The following AKR1C4 variants were observed in gnomAD, a reference collection of about 807,000 sequenced individuals.
AKR1C4 encodes 3-alpha-HSD1.
In AKR1C4, 44 loss-of-function variants were observed where a neutral mutation model predicts 41.0. The ratio of observed to expected loss-of-function variants is 1.07; its 90% CI spans 0.84 to 1.38. AKR1C4 has a LOEUF of 1.38. AKR1C4 is among the 40% of genes most tolerant of loss of function. The pLI is 0.00. For missense variants in AKR1C4, 438 were observed against 387.9 expected (o/e 1.13, Z -1.09); for synonymous variants, 165 against 137.7 (o/e 1.20, Z -1.39).
chr10:5,205,969 G>C, intron 4 of AKR1C4, 135 bp downstream of exon 4: 1 of 1,000,584 alleles, frequency 1.0e-6, no homozygotes, highest in Non-Finnish European at 1.5e-6. Context: ...AAGTTTTGCT[G>C]AGTGGTAGGG....
chr10:5,210,984 C>T (rs1832566818), intron 5 of AKR1C4, among the ~76,000 whole-genome samples: 1 of 152,240 alleles, frequency 6.6e-6, no homozygotes, highest in African/African-American at 2.4e-5. Flanking sequence ...TTGGGACTTG[C>T]ACCCTGTGCA....
intron 7 of AKR1C4, among the ~76,000 whole-genome samples, chr10:5,214,800 TATC>T (rs1554798334): frequency 1.3e-5 from 2 of 152,206 alleles, no homozygotes; most frequent in African/African-American, 4.8e-5. Flanking sequence ...TCATTCTCTG[TATC>T]ATTAGAGTAT....
intron 8 of AKR1C4, among the ~76,000 whole-genome samples, 199 bp downstream of exon 8, chr10:5,216,992 C>G (rs2050309): frequency 1 from 151,934 of 152,340 alleles, 75,765 homozygotes; most frequent in Middle Eastern, 1. Context: ...GGGTCAGCAT[C>G]GGTCAACCTG....
chr10:5,215,666 A>G (rs1832645497), intron 7 of AKR1C4, among the ~76,000 whole-genome samples: 1 of 152,208 alleles, frequency 6.6e-6, no homozygotes. Flanking sequence ...AATGGACACG[A>G]TGCAGTCAAG....
At chr10:5,196,989 G>A in intron 1 of AKR1C4, 38 bp downstream of exon 1, 1 of 1,595,704 alleles carries the variant, frequency 6.3e-7, no homozygotes, top group Non-Finnish European at 8.6e-7. Context: ...ATTTAAAAGA[G>A]CAAAGCTAGA....
chr10:5,215,425 T>C (rs1332468106), intron 7 of AKR1C4, among the ~76,000 whole-genome samples: 4 of 152,212 alleles, frequency 2.6e-5, no homozygotes, highest in African/African-American at 9.7e-5. Context: ...AGAAAAGAGC[T>C]ATATTTGGCT....
chr10:5,204,707 A>C (rs1413781), intron 3 of AKR1C4: 605,710 of 693,656 alleles, frequency 0.87, 269,265 homozygotes, highest in East Asian at 0.99. Context: ...AAAGCCTCTG[A>C]TTCAAAAATT....
rs1554797430 is a variant in AKR1C4, at chr10:5,205,846, G to T, written c.447+12G>T. 1 of 1,610,224 alleles carries T rather than the reference G, an allele frequency of 6.2e-7. No individual in the cohort carries two copies. Among genetic ancestry groups the T allele is most frequent in the Admixed American group, 1.7e-5 (1 of 59,660 alleles). Reference sequence around the variant, plus strand: ...CTGCCACATGGGAGGTGAGTGCTTGGAGGACAGAGTACAGAAAAGGAAGAC... The same window carrying T: ...CTGCCACATGGGAGGTGAGTGCTTGTAGGACAGAGTACAGAAAAGGAAGAC... On this transcript the variant is annotated intron_variant, in intron 4 of 8. Coordinates refer to ENST00000263126, the MANE Select transcript of AKR1C4 (RefSeq NM_001818.5).
chr10:5,203,537 T>C (rs1832435115), intron 2 of AKR1C4, among the ~76,000 whole-genome samples: 1 of 152,212 alleles, frequency 6.6e-6, no homozygotes, highest in Non-Finnish European at 1.5e-5. Flanking sequence ...GGAAGAGTAT[T>C]CTGGAGGCAG....
In AKR1C4 at chr10:5,204,382, G is replaced by C. The variant is rs782317125; in HGVS notation, c.258G>C (p.Trp86Cys). The change falls in exon 3 of 9, where the codon TGG becomes TGC. Residue 86 changes from tryptophan to cysteine, a missense_variant. By Grantham distance (215) the Trp-to-Cys change is radical (BLOSUM62 -2). Coordinates refer to ENST00000263126, the MANE Select transcript of AKR1C4 (RefSeq NM_001818.5). ...REDIFYTSKLWCTFFQPQMVQ... is the reference protein window; with the variant it reads ...REDIFYTSKLCCTFFQPQMVQ... ...TCCTTTATTTTACCATGCAGCTTTG[G>C]TGCACTTTCTTTCAACCACAGATGG... 8.7e-6 allele frequency: 14 copies of C among 1,611,680 alleles called. No homozygotes were observed. The East Asian group carries it at 3.1e-4, about 36-fold the overall frequency.
chr10:5,202,676 G>A (rs1325757350), intron 2 of AKR1C4, among the ~76,000 whole-genome samples: 1 of 151,732 alleles, frequency 6.6e-6, no homozygotes, highest in Non-Finnish European at 1.5e-5. Flanking sequence ...GTTTGTTGAG[G>A]GTTTTTATCA....
At chr10:5,204,122 G>A (rs17134531) in intron 2 of AKR1C4, among the ~76,000 whole-genome samples, 17,164 of 152,182 alleles carry the variant, frequency 0.11, 1,180 homozygotes, top group Admixed American at 0.17. Flanking sequence ...CTCAAACACA[G>A]TTCAGATCAT....
At chr10:5,200,160 T>A in intron 1 of AKR1C4, 21 bp from the exon 2 acceptor site, 1 of 1,603,326 alleles carries the variant, frequency 6.2e-7, no homozygotes, top group Non-Finnish European at 8.5e-7. Flanking sequence ...CACCAAATAC[T>A]ACCTTTCGTT....
In AKR1C4 at chr10:5,196,903, T is replaced by C. The variant is rs782342043; in HGVS notation, c.36T>C (p.Asp12=). 47 of 1,614,016 alleles carry C rather than the reference T, an allele frequency of 2.9e-5. No individual in the cohort carries two copies. The highest frequency in any genetic ancestry group is 3.8e-5 in the Non-Finnish European group (45 of 1,179,986). The change falls in exon 1 of 9, where the codon GAT becomes GAC. Residue 12 remains aspartate, a synonymous_variant. Transcript: ENST00000263126. The stretch of plus-strand genomic sequence containing the variant: ...AATATCAGCGTGTAGAGCTAAATGA[T>C]GGTCACTTCATGCCCGTATTGGGAT... ...DPKYQRVELN[D]GHFMPVLGFG...
At chr10:5,213,629 G>A (rs1022720323) in intron 7 of AKR1C4, among the ~76,000 whole-genome samples, 1 of 152,132 alleles carries the variant, frequency 6.6e-6, no homozygotes, top group Admixed American at 6.5e-5. Flanking sequence ...TAATTATACT[G>A]AGTAAACTTA....
intron 3 of AKR1C4, 69 bp from the exon 4 acceptor site, chr10:5,205,688 T>G: frequency 2.2e-6 from 3 of 1,353,010 alleles, no homozygotes; most frequent in South Asian, 1.3e-5. Flanking sequence ...TATCCTAAAA[T>G]GTACATGGGA....
intron 5 of AKR1C4, among the ~76,000 whole-genome samples, chr10:5,206,995 A>G (rs1832499885): frequency 6.6e-6 from 1 of 152,120 alleles, no homozygotes; most frequent in East Asian, 1.9e-4. Context: ...AGCTGAAAGG[A>G]TGTGGCGTGC....
chr10:5,209,436 A>C (rs1224145008), intron 5 of AKR1C4, among the ~76,000 whole-genome samples: 1 of 152,218 alleles, frequency 6.6e-6, no homozygotes, highest in African/African-American at 2.4e-5. Flanking sequence ...TCAAGAAAAG[A>C]AACAATTACT....
rs782596820 is a variant in AKR1C4 at position 5,206,340 on chromosome 10, G to T, written c.513G>T (p.Arg171Ser). The T allele has an allele frequency of 6.2e-7, 1 of 1,614,040 alleles. No individual in the cohort carries two copies. Among genetic ancestry groups the T allele is most frequent in the Non-Finnish European group, 8.5e-7 (1 of 1,179,982 alleles). Residue 171 changes from arginine to serine, a missense_variant, in exon 5 of 9, where the codon AGG becomes AGT. By Grantham distance (110) the Arg-to-Ser change is moderately radical. Transcript: ENST00000263126. ...KSIGVSNFNCRQLEMILNKPG... is the reference protein window; with the variant it reads ...KSIGVSNFNCSQLEMILNKPG... Reference sequence around the variant, plus strand: ...TCGGGGTGTCAAACTTCAACTGCAGGCAGCTGGAGATGATCCTCAACAAGC... The same window carrying T: ...TCGGGGTGTCAAACTTCAACTGCAGTCAGCTGGAGATGATCCTCAACAAGC...
Sources: gnomAD v4.1 joint callset for allele counts (sites outside exome capture counted in the v4.1 genomes callset) on GRCh38, gnomAD v4.1.1 for gene constraint, MANE v1.5 for transcripts, NCBI Gene and HGNC (gene_info 2026-07-23, HGNC 2026-07-21) for gene names.